PPP1CA: variants seen among roughly 807,000 people sequenced by gnomAD.
PPP1CA encodes the protein protein phosphatase 1 catalytic subunit alpha.
Under a neutral mutation model 38.5 loss-of-function variants are expected in PPP1CA, and 14 were observed. The ratio of observed to expected loss-of-function variants is 0.36; its 90% confidence interval spans 0.24 to 0.57. The LOEUF (loss-of-function observed/expected upper bound fraction) is 0.57. PPP1CA is among the 20% of genes least tolerant of loss of function. The probability of loss-of-function intolerance (pLI) is 0.80; values close to 1 mark genes in which losing one functional copy is unlikely to be tolerated. For synonymous variants in PPP1CA, 200 were observed against 177.3 expected (o/e 1.13, Z -1.02); for missense variants, 277 against 435.2 (o/e 0.64, Z 3.23).
intron 3 of PPP1CA, among the ~76,000 whole-genome samples, chr11:67,399,984 A>G (rs1862845613): frequency 6.6e-6 from 1 of 152,146 alleles, no homozygotes; most frequent in Non-Finnish European, 1.5e-5. Context: ...AAAATACAAA[A>G]AAATCAGCCA....
Position 67,399,009 on chromosome 11 carries a change from G to C in PPP1CA, c.678C>G (p.Thr226=). The part of the protein sequence containing the change: ...WGENDRGVSF[T]FGAEVVAKFL... ...ACTTGGCCACCACCTCGGCTCCAAA[G>C]GTAAAAGAGACGCCACGGTCGTTCT... is the stretch of plus-strand genomic sequence containing the variant. The change falls in exon 5 of 7, where the codon ACC becomes ACG. Residue 226 remains threonine (T), a synonymous_variant. Coordinates refer to ENST00000376745, the MANE Select transcript of PPP1CA (RefSeq NM_002708.4). 6.2e-7 allele frequency: 1 copy of C among 1,613,490 alleles called. No individual in the cohort carries two copies. The highest frequency in any genetic ancestry group is 8.5e-7 in the Non-Finnish European group (1 of 1,180,020).
In PPP1CA at chr11:67,398,779, C is replaced by T; in HGVS notation, c.825G>A (p.Glu275=). 6.2e-7 allele frequency: 1 copy of T among 1,613,974 alleles called. No homozygotes were observed. Among genetic ancestry groups the T allele is most frequent in the East Asian group, 2.2e-5 (1 of 44,884 alleles). ...TCATCATGGCGCCAGCATTGTCAAACTCGCCACAGTAGTTGGGAGCTGAGA... is the reference window on the plus strand; with the variant it reads ...TCATCATGGCGCCAGCATTGTCAAATTCGCCACAGTAGTTGGGAGCTGAGA... ...TLFSAPNYCG[E]FDNAGAMMSV... The change falls in exon 6 of 7, where the codon GAG becomes GAA. Residue 275 remains glutamate, a synonymous_variant. Coordinates refer to ENST00000376745, the MANE Select transcript of PPP1CA (RefSeq NM_002708.4).
At chr11:67,401,379 A>G (rs1029447888) in intron 1 of PPP1CA, 180 bp from the exon 2 acceptor site, 29 of 1,026,226 alleles carry the variant, frequency 2.8e-5, no homozygotes, top group Middle Eastern at 6.3e-4. Flanking sequence ...GGAAGCCCCC[A>G]GCTACCCTCA....
At chr11:67,400,580 GCA>G (rs1233166332) in intron 3 of PPP1CA, 107 bp downstream of exon 3, 2 of 1,101,984 alleles carry the variant, frequency 1.8e-6, no homozygotes, top group Non-Finnish European at 2.7e-6. Context: ...TTCGTGGAGC[GCA>G]CAGTCTATCA....
chr11:67,401,492 A>G (rs897435170), intron 1 of PPP1CA: 3 of 584,528 alleles, frequency 5.1e-6, no homozygotes, highest in Non-Finnish European at 8.6e-6. Context: ...CCCTCGCCCC[A>G]AGAGCCCAGG....
intron 3 of PPP1CA, 104 bp downstream of exon 3, chr11:67,400,585 G>A: frequency 2.6e-6 from 3 of 1,163,502 alleles, no homozygotes; most frequent in Non-Finnish European, 3.8e-6. Context: ...GGAGCGCACA[G>A]TCTATCAAGT....
intron 1 of PPP1CA, 55 bp downstream of exon 1, chr11:67,401,673 G>C: frequency 1.6e-6 from 2 of 1,289,320 alleles, no homozygotes; most frequent in Non-Finnish European, 9.8e-7. Flanking sequence ...GCCACTTCCG[G>C]GCCGGGCAGG....
chr11:67,398,883 C>G (rs1486500922), intron 5 of PPP1CA, 27 bp from the exon 6 acceptor site: 2 of 1,611,860 alleles, frequency 1.2e-6, no homozygotes, highest in Non-Finnish European at 1.7e-6. Flanking sequence ...GCAGTCAGTC[C>G]CGAGCGCAGG....
chr11:67,401,750 C>A lies in PPP1CA; in HGVS notation c.33G>T (p.Ser11=). Residue 11 remains serine (S), a synonymous_variant, in exon 1 of 7, where the codon TCG becomes TCT. Coordinates refer to ENST00000376745, the MANE Select transcript of PPP1CA (RefSeq NM_002708.4). MSDSEKLNLD[S]IIGRLLEVQG... The stretch of plus-strand genomic sequence containing the variant: ...AACCTTCCAGCAGGCGCCCGATGAT[C>A]GAGTCCAGGTTGAGCTTCTCGCTGT... 1 of 1,479,884 alleles carries A rather than the reference C, an allele frequency of 6.8e-7. No homozygotes were observed. The allele number at this position is 1,479,884 out of a possible 1,614,324, so 91.7% of individuals were successfully genotyped here. A position where few individuals can be genotyped will look rare whatever the true frequency, so the allele number is the denominator to read the frequency against.
At chr11:67,401,532 G>T (rs867463110) in intron 1 of PPP1CA, 196 bp downstream of exon 1, 12 of 558,192 alleles carry the variant, frequency 2.1e-5, no homozygotes, top group Admixed American at 7.1e-5. Flanking sequence ...CCGGGAGAGG[G>T]GGGGAGCTGC....
Position 67,401,783 on chromosome 11 carries a change from G to T in PPP1CA, c.-1C>A. 1 of 1,468,840 alleles carries T rather than the reference G, an allele frequency of 6.8e-7. No individual in the cohort carries two copies. The highest frequency in any genetic ancestry group is 1.5e-5 in the African/African-American group (1 of 68,950). 91.0% of individuals were successfully genotyped at this position (1,468,840 alleles called of 1,614,324 possible). ...GGTTGAGCTTCTCGCTGTCGGACAT[G>T]GCGGCGCCGCCGCTCCAGCCCAGCA... On this transcript the variant is annotated 5_prime_UTR_variant, in exon 1 of 7. Coordinates refer to ENST00000376745, the MANE Select transcript of PPP1CA (RefSeq NM_002708.4).
At chr11:67,401,515 C>A (rs1862888525) in intron 1 of PPP1CA, 8 of 566,770 alleles carry the variant, frequency 1.4e-5, no homozygotes, top group Non-Finnish European at 2.4e-5. Flanking sequence ...ACCCGTGCGC[C>A]CCCAGCCCGG....
At position 67,400,725 on chromosome 11, in the gene PPP1CA, C is replaced by T. The variant is rs1205717276; in HGVS notation, c.382G>A (p.Ala128Thr). ...AAACCATAGATGCGGTTGATGCTGGCACACTCGTGGTTCCCACGGAGCAGG... is the reference window on the plus strand; with the variant it reads ...AAACCATAGATGCGGTTGATGCTGGTACACTCGTGGTTCCCACGGAGCAGG... ...FFLLRGNHEC[A>T]SINRIYGFYD... Residue 128 changes from alanine (A) to threonine (T), a missense_variant, in exon 3 of 7, where the codon GCC becomes ACC. Transcript: ENST00000376745. 6.2e-7 allele frequency: 1 copy of T among 1,613,990 alleles called. No individual in the cohort carries two copies. The highest frequency in any genetic ancestry group is 2.2e-5 in the East Asian group (1 of 44,888).
rs1353814726 is a variant in PPP1CA at position 67,399,767 on chromosome 11, T to C, written c.419-102A>G. 13 of 859,592 alleles carry C rather than the reference T, an allele frequency of 1.5e-5. No homozygotes were observed. In the Admixed American group the frequency reaches 2.3e-4, roughly 15 times the overall value. The allele number at this position is 859,592 out of a possible 1,614,324, so 53.2% of individuals were successfully genotyped here. ...CTGGGAGGAGAGAGTCAGGCACCGA[T>C]GCAAACCACCCCCCACCCCTGCCAC... is the stretch of plus-strand genomic sequence containing the variant. On this transcript the variant is annotated intron_variant, in intron 3 of 6. Coordinates refer to ENST00000376745, the MANE Select transcript of PPP1CA (RefSeq NM_002708.4).
chr11:67,398,988 G>A lies in PPP1CA; in HGVS notation c.699C>T (p.Ala233=), dbSNP rs759422221. The change falls in exon 5 of 7, where the codon GCC becomes GCT. Residue 233 remains alanine, a synonymous_variant. Coordinates refer to ENST00000376745, the MANE Select transcript of PPP1CA (RefSeq NM_002708.4). ...VSFTFGAEVV[A]KFLHKHDLDL... ...CCAAGTCGTGCTTGTGGAGGAACTT[G>A]GCCACCACCTCGGCTCCAAAGGTAA... The A allele has an allele frequency of 6.2e-7, 1 of 1,613,336 alleles. No homozygotes were observed. The highest frequency in any genetic ancestry group is 2.2e-5 in the East Asian group (1 of 44,892).
chr11:67,401,770 C>T lies in PPP1CA; in HGVS notation c.13G>A (p.Glu5Lys). Reference sequence around the variant, plus strand: ...ATGATCGAGTCCAGGTTGAGCTTCTCGCTGTCGGACATGGCGGCGCCGCCG... The same window carrying T: ...ATGATCGAGTCCAGGTTGAGCTTCTTGCTGTCGGACATGGCGGCGCCGCCG... MSDS[E>K]KLNLDSIIGR... Residue 5 changes from glutamate (E) to lysine (K), a missense_variant, in exon 1 of 7, where the codon GAG becomes AAG. By Grantham distance (56) the Glu-to-Lys change is moderately conservative (BLOSUM62 1). Transcript: ENST00000376745. 1 of 1,475,722 alleles carries T rather than the reference C, an allele frequency of 6.8e-7. No homozygotes were observed. Among genetic ancestry groups the T allele is most frequent in the Non-Finnish European group, 9.1e-7 (1 of 1,103,970 alleles). The allele number at this position is 1,475,722 out of a possible 1,614,324, so 91.4% of individuals were successfully genotyped here.
chr11:67,399,229 A>G (rs1862825478), intron 4 of PPP1CA, 66 bp from the exon 5 acceptor site: 1 of 1,433,916 alleles, frequency 7.0e-7, no homozygotes, highest in African/African-American at 1.4e-5. Context: ...GCCTTGGCCA[A>G]TGAACCCCAC....
chr11:67,400,279 C>G (rs904625289), intron 3 of PPP1CA, among the ~76,000 whole-genome samples: 1 of 152,184 alleles, frequency 6.6e-6, no homozygotes, highest in Non-Finnish European at 1.5e-5. Flanking sequence ...CTAAAGCACC[C>G]GAGTCCACTG....
intron 3 of PPP1CA, 26 bp downstream of exon 3, chr11:67,400,663 C>A (rs776758515): frequency 1.4e-5 from 22 of 1,606,960 alleles, no homozygotes; most frequent in Non-Finnish European, 1.9e-5. Context: ...AGGACCCGGG[C>A]AGCCCCAGAC....
Sources: allele counts gnomAD v4.1 joint callset (sites outside exome capture counted in the v4.1 genomes callset), GRCh38; gene constraint gnomAD v4.1.1; transcripts MANE v1.5; gene names NCBI Gene and HGNC (gene_info 2026-07-23, HGNC 2026-07-21).